Variants in XRRA1 observed in about 807,000 individuals in gnomAD.
The protein encoded by XRRA1 is X-ray radiation resistance-associated protein 1.
A neutral mutation model predicts 80.2 loss-of-function variants in XRRA1; 69 were observed. The observed-to-expected ratio is 0.86, with a 90% CI of 0.71 to 1.05. The LOEUF (loss-of-function observed/expected upper bound fraction) is 1.05, where lower values mean the gene tolerates loss of function less well. XRRA1 is among the 50% of genes least tolerant of loss of function. The pLI is 0.00. For synonymous variants in XRRA1, 348 were observed against 389.9 expected (o/e 0.89, Z 1.27); for missense variants, 967 against 976.4 (o/e 0.99, Z 0.13).
chr11:74,867,081 C>T (rs1412971247), intron 10 of XRRA1, among the ~76,000 whole-genome samples: 1 of 152,120 alleles, frequency 6.6e-6, no homozygotes, highest in Non-Finnish European at 1.5e-5. Context: ...TGCACCCTGG[C>T]CCATCCAAAG....
chr11:74,898,594 G>A (rs183729461), intron 10 of XRRA1, among the ~76,000 whole-genome samples: 3 of 151,830 alleles, frequency 2.0e-5, no homozygotes, highest in East Asian at 3.9e-4. Flanking sequence ...AACCAAAAAG[G>A]GGAAGGAATA....
At chr11:74,938,208 C>T (rs1945488677) in intron 3 of XRRA1, among the ~76,000 whole-genome samples, 1 of 152,212 alleles carries the variant, frequency 6.6e-6, no homozygotes, top group South Asian at 2.1e-4. Flanking sequence ...GCTCACAGAC[C>T]ACTGCTGACA....
At chr11:74,916,821 C>A (rs149256402) in intron 8 of XRRA1, among the ~76,000 whole-genome samples, 60 of 151,930 alleles carry the variant, frequency 3.9e-4, no homozygotes, top group African/African-American at 1.4e-3. Context: ...TTTTTTGTTT[C>A]GTGTTTGATT....
intron 7 of XRRA1, among the ~76,000 whole-genome samples, chr11:74,926,522 G>A (rs868726477): frequency 1.3e-5 from 2 of 152,304 alleles, no homozygotes; most frequent in Middle Eastern, 3.4e-3. Context: ...TACTCAGTGA[G>A]TGAGCGTGGT....
At chr11:74,846,075 T>C (rs970340162) in intron 15 of XRRA1, 3 of 152,084 alleles carry the variant, frequency 2.0e-5, no homozygotes, top group East Asian at 1.9e-4. Flanking sequence ...GACCACCAGG[T>C]TGCCTAAGGA....
chr11:74,908,598 T>C (rs910961180), intron 8 of XRRA1, among the ~76,000 whole-genome samples: 5 of 152,218 alleles, frequency 3.3e-5, no homozygotes, highest in Non-Finnish European at 7.3e-5. Context: ...CACTCATGAA[T>C]TTCTTTAACA....
rs760444956 is a variant in XRRA1, at chr11:74,937,090, T to C, written c.95-22A>G. On this transcript the variant is annotated intron_variant, in intron 3 of 18. Transcript: ENST00000684022. ...TGGCCTGTTGAGAAAATTAGAACAG[T>C]GAAAAGGGGAAAACTCCAAAGCTAC... 34 of 1,600,304 alleles carry C rather than the reference T, an allele frequency of 2.1e-5. 1 individual carries two copies. In the South Asian group the frequency reaches 3.5e-4, roughly 16 times the overall value.
At position 74,921,226 on chromosome 11, in the gene XRRA1, G is replaced by A. The variant is rs186657767; in HGVS notation, c.644C>T (p.Ala215Val). Residue 215 changes from alanine (A) to valine (V), a missense_variant, in exon 8 of 19, where the codon GCC becomes GTC. By Grantham distance (64) the Ala-to-Val change is moderately conservative. Coordinates refer to ENST00000684022, the MANE Select transcript of XRRA1 (RefSeq NM_001378157.1). ...AGGTAGAACTTACTGTTCTGCGACG[G>A]CCAAATTGGGCGGCAGGGAGGTAAG... is the stretch of plus-strand genomic sequence containing the variant. ...NGLTSLPPNLAVAEQEASVTS... is the reference protein window; with the variant it reads ...NGLTSLPPNLVVAEQEASVTS... 1 of 1,613,648 alleles carries A rather than the reference G, an allele frequency of 6.2e-7. No homozygotes were observed. Among genetic ancestry groups the A allele is most frequent in the Non-Finnish European group, 8.5e-7 (1 of 1,179,762 alleles).
At position 74,859,136 on chromosome 11, in the gene XRRA1, CAGG is replaced by C. The variant is rs781075740; in HGVS notation, c.1170+19_1170+21del. ...CTTCCCATCTGTGCCCCTGAGTAAA[CAGG>C]AGAGGAGCAGAAAGTCACCTTGTTG... On this transcript the variant is annotated intron_variant, in intron 12 of 18. Coordinates refer to ENST00000684022, the MANE Select transcript of XRRA1 (RefSeq NM_001378157.1). 26 of 1,577,150 alleles carry C rather than the reference CAGG, an allele frequency of 1.6e-5. No homozygotes were observed. The highest frequency in any genetic ancestry group is 2.1e-5 in the Non-Finnish European group (25 of 1,168,542).
intron 10 of XRRA1, among the ~76,000 whole-genome samples, chr11:74,878,308 T>C (rs1309264714): frequency 7.3e-5 from 11 of 150,776 alleles, no homozygotes; most frequent in Non-Finnish European, 1.0e-4. Flanking sequence ...TTTGATGGGG[T>C]TGTTTGTTTT....
At chr11:74,896,527 C>T (rs1212346128) in intron 10 of XRRA1, among the ~76,000 whole-genome samples, 1 of 151,610 alleles carries the variant, frequency 6.6e-6, no homozygotes, top group African/African-American at 2.4e-5. Context: ...GTGTAAATTG[C>T]TAAGGTGCTT....
intron 10 of XRRA1, among the ~76,000 whole-genome samples, chr11:74,887,539 G>A (rs573927091): frequency 6.6e-5 from 10 of 152,286 alleles, no homozygotes; most frequent in African/African-American, 1.7e-4. Flanking sequence ...ACTGAGGTAC[G>A]GGGTTCATCT....
chr11:74,863,059 C>T lies in XRRA1; in HGVS notation c.1004-38G>A, dbSNP rs543616058. The T allele has an allele frequency of 1.1e-5, 18 of 1,579,060 alleles. No homozygotes were observed. In the East Asian group the frequency reaches 3.0e-4, roughly 26 times the overall value. ...AGAAACAGAATGAAGGTTGGTGAGA[C>T]CGCTGATTGATGCCTAGAGCACCCA... On this transcript the variant is annotated intron_variant, in intron 10 of 18. Transcript: ENST00000684022.
chr11:74,908,896 T>C (rs1364734221), intron 8 of XRRA1, among the ~76,000 whole-genome samples: 2 of 152,178 alleles, frequency 1.3e-5, no homozygotes, highest in Admixed American at 1.3e-4. Context: ...TTTCCCATCA[T>C]GAGGTCTAGA....
At chr11:74,928,522 C>G (rs1330636395) in intron 6 of XRRA1, among the ~76,000 whole-genome samples, 2 of 152,144 alleles carry the variant, frequency 1.3e-5, no homozygotes, top group African/African-American at 4.8e-5. Context: ...TGTCTTGTAC[C>G]TGAGCTGACA....
chr11:74,846,934 T>TC (rs2038378369), intron 15 of XRRA1, among the ~76,000 whole-genome samples: 1 of 151,988 alleles, frequency 6.6e-6, no homozygotes, highest in Non-Finnish European at 1.5e-5. Flanking sequence ...TTTTTTTTTT[T>TC]CTGAAAACAT....
intron 12 of XRRA1, among the ~76,000 whole-genome samples, chr11:74,856,547 C>T (rs1221362391): frequency 6.6e-6 from 1 of 152,168 alleles, no homozygotes; most frequent in Non-Finnish European, 1.5e-5. Context: ...CTGCCTGTGG[C>T]AGAATGTGGC....
At chr11:74,844,997 C>A (rs1349178958) in intron 16 of XRRA1, 76 bp downstream of exon 16, 1 of 1,480,034 alleles carries the variant, frequency 6.8e-7, no homozygotes. Flanking sequence ...TTGGTGCCAG[C>A]CTTGGCTTGA....
chr11:74,938,917 A>C (rs1263509123), intron 3 of XRRA1, among the ~76,000 whole-genome samples: 1 of 152,172 alleles, frequency 6.6e-6, no homozygotes, highest in Admixed American at 6.6e-5. Context: ...CTGTTTATCT[A>C]CTACCAGTTC....
Sources: gnomAD v4.1 joint callset for allele counts (sites outside exome capture counted in the v4.1 genomes callset) on GRCh38, gnomAD v4.1.1 for gene constraint, MANE v1.5 for transcripts, NCBI Gene and HGNC (gene_info 2026-07-23, HGNC 2026-07-21) for gene names.